The following SPATS2 variants were observed in gnomAD, a reference collection of about 807,000 sequenced individuals.
SPATS2 encodes spermatogenesis-associated serine-rich protein 2.
Under a neutral mutation model 63.7 loss-of-function variants are expected in SPATS2, and 38 were observed. That is an observed-to-expected ratio of 0.60 (90% CI 0.46 to 0.78). SPATS2 has a LOEUF of 0.78. Ranked by LOEUF, SPATS2 falls within the 30% of genes least tolerant of loss-of-function variation. SPATS2 has a pLI of 0.00. For missense variants in SPATS2, 588 were observed against 666.2 expected, an observed-to-expected ratio of 0.88 and a Z score of 1.29; for synonymous variants, 207 against 232.9, an observed-to-expected ratio of 0.89 and a Z score of 1.01.
intron 2 of SPATS2, among the ~76,000 whole-genome samples, chr12:49,420,874 G>A (rs753013340): frequency 6.6e-6 from 1 of 152,206 alleles, no homozygotes; most frequent in South Asian, 2.1e-4. Context: ...AATTAGCCAG[G>A]TGCATTCTTG....
chr12:49,438,595 A>G (rs1407349072), intron 2 of SPATS2, among the ~76,000 whole-genome samples: 1 of 152,116 alleles, frequency 6.6e-6, no homozygotes, highest in Non-Finnish European at 1.5e-5. Context: ...CAAACTTGGT[A>G]TTGTCTATTT....
intron 2 of SPATS2, among the ~76,000 whole-genome samples, chr12:49,433,249 G>A (rs539834930): frequency 3.3e-5 from 5 of 152,202 alleles, no homozygotes; most frequent in Admixed American, 2.6e-4. Context: ...TGCAACCTCC[G>A]CCTCCCAGGT....
At chr12:49,492,055 T>G (rs919944368) in intron 6 of SPATS2, among the ~76,000 whole-genome samples, 2 of 152,138 alleles carry the variant, frequency 1.3e-5, no homozygotes, top group Admixed American at 1.3e-4. Flanking sequence ...TCAGTGACGC[T>G]TGAGAATTTT....
Position 49,458,571 on chromosome 12 carries a change from G to A in SPATS2, c.-243-2199G>A, listed in dbSNP as rs184569049. On this transcript the variant is annotated intron_variant, in intron 2 of 13. Coordinates refer to ENST00000552918, the MANE Select transcript of SPATS2 (RefSeq NM_023071.4). ...AAGGCGGGCAGATTACTTGAGGTCA[G>A]GAGTTCAAGACCAGCCTGGCCAACA... 9.9e-5 allele frequency among the ~76,000 whole-genome samples: 15 copies of A among 152,104 alleles called. No homozygotes were observed. In the East Asian group the frequency reaches 2.7e-3, roughly 27 times the overall value.
chr12:49,395,636 G>A (rs939264959), intron 2 of SPATS2, among the ~76,000 whole-genome samples: 41 of 151,270 alleles, frequency 2.7e-4, no homozygotes, highest in Admixed American at 2.6e-4. Context: ...ATGTTGATTA[G>A]GCTGGTCTTG....
intron 7 of SPATS2, among the ~76,000 whole-genome samples, chr12:49,496,267 G>GT (rs1555190847): frequency 3.3e-5 from 5 of 151,900 alleles, no homozygotes; most frequent in South Asian, 2.1e-4. Context: ...CTAGAGCGTT[G>GT]TTGTTTGTTT....
At chr12:49,372,764 C>T (rs1055488220) in intron 2 of SPATS2, among the ~76,000 whole-genome samples, 5 of 151,906 alleles carry the variant, frequency 3.3e-5, no homozygotes, top group African/African-American at 9.7e-5. Context: ...ATATTTCGAG[C>T]GGATACCTGG....
At chr12:49,457,248 T>C (rs1945735153) in intron 2 of SPATS2, among the ~76,000 whole-genome samples, 2 of 152,178 alleles carry the variant, frequency 1.3e-5, no homozygotes, top group Non-Finnish European at 2.9e-5. Context: ...TATTTCTCTT[T>C]TTTTATAGTA....
chr12:49,373,422 G>A (rs2137143798), intron 2 of SPATS2, among the ~76,000 whole-genome samples: 1 of 152,324 alleles, frequency 6.6e-6, no homozygotes, highest in Non-Finnish European at 1.5e-5. Context: ...TTACTTTGTA[G>A]GTGGTCTGTC....
At chr12:49,495,316 C>T (rs4045195) in intron 7 of SPATS2, among the ~76,000 whole-genome samples, 2 of 152,034 alleles carry the variant, frequency 1.3e-5, no homozygotes, top group Admixed American at 1.3e-4. Flanking sequence ...GCCTCAGCCT[C>T]CTGAGTAGCT....
intron 2 of SPATS2, among the ~76,000 whole-genome samples, chr12:49,416,428 T>C (rs1467284621): frequency 6.6e-6 from 1 of 152,168 alleles, no homozygotes; most frequent in African/African-American, 2.4e-5. Context: ...TGACTTGGAC[T>C]TTGAAGTTGC....
chr12:49,382,393 C>G (rs1006855280), intron 2 of SPATS2, among the ~76,000 whole-genome samples: 1 of 152,198 alleles, frequency 6.6e-6, no homozygotes, highest in Non-Finnish European at 1.5e-5. Context: ...AGCACTTTCT[C>G]TTTTTTATCC....
At chr12:49,406,898 T>C (rs902851117) in intron 2 of SPATS2, among the ~76,000 whole-genome samples, 30 of 152,194 alleles carry the variant, frequency 2.0e-4, no homozygotes, top group African/African-American at 7.2e-4. Flanking sequence ...GGAACAATCA[T>C]AATGTAAAAT....
At chr12:49,436,601 C>CG (rs1565721054) in intron 2 of SPATS2, among the ~76,000 whole-genome samples, 1 of 82,928 alleles carries the variant, frequency 1.2e-5, no homozygotes, top group Admixed American at 1.2e-4. Context: ...CTGGCCGGGC[C>CG]GGGGGCTGAC....
At chr12:49,378,669 T>TA (rs1362509114) in intron 2 of SPATS2, among the ~76,000 whole-genome samples, 1 of 151,894 alleles carries the variant, frequency 6.6e-6, no homozygotes, top group East Asian at 1.9e-4. Flanking sequence ...GATCATGGCT[T>TA]ACTGCAGCCT....
At chr12:49,515,864 G>A (rs1946829573) in intron 10 of SPATS2, among the ~76,000 whole-genome samples, 1 of 151,836 alleles carries the variant, frequency 6.6e-6, no homozygotes, top group South Asian at 2.1e-4. Flanking sequence ...AAATAAGGCT[G>A]GGCGCAGTGG....
At position 49,517,787 on chromosome 12, in the gene SPATS2, A is replaced by G. The variant is rs142938332; in HGVS notation, c.899-1286A>G. Among the ~76,000 whole-genome samples the G allele has an allele frequency of 2.3e-4, 35 of 152,268 alleles. 2 individuals are homozygous for G. In the East Asian group the frequency reaches 6.2e-3, roughly 27 times the overall value. On this transcript the variant is annotated intron_variant, in intron 10 of 13. Transcript: ENST00000552918. The stretch of plus-strand genomic sequence containing the variant: ...TATCTCAATGGGGAAACTATATCAC[A>G]TGGCCGTTTCATCTGTAGCAAAGCC...
intron 2 of SPATS2, among the ~76,000 whole-genome samples, chr12:49,420,913 G>A (rs976879755): frequency 5.9e-5 from 9 of 152,128 alleles, no homozygotes; most frequent in Non-Finnish European, 1.3e-4. Flanking sequence ...AGGCTGAGAT[G>A]GGAGGATTAC....
intron 2 of SPATS2, among the ~76,000 whole-genome samples, chr12:49,452,114 T>A (rs1241586158): frequency 6.6e-6 from 1 of 152,154 alleles, no homozygotes; most frequent in Non-Finnish European, 1.5e-5. Flanking sequence ...CAGCTATAAT[T>A]CATTGAGCTT....
Sources: gnomAD v4.1 joint callset for allele counts (sites outside exome capture counted in the v4.1 genomes callset) on GRCh38, gnomAD v4.1.1 for gene constraint, MANE v1.5 for transcripts, NCBI Gene and HGNC (gene_info 2026-07-23, HGNC 2026-07-21) for gene names.